Variants in LYPLAL1 observed in about 807,000 individuals in gnomAD.
LYPLAL1 encodes the protein lysophospholipase like 1.
A neutral mutation model predicts 19.7 loss-of-function variants in LYPLAL1; 23 were observed. That is an observed-to-expected ratio of 1.17 (90% CI 0.84 to 1.65). The LOEUF is 1.65. LYPLAL1 is among the 40% of genes most tolerant of loss of function. LYPLAL1 has a pLI of 0.00. For synonymous variants in LYPLAL1, 119 were observed against 96.3 expected, an observed-to-expected ratio of 1.24 and a Z score of -1.38; for missense variants, 355 against 279.4, an observed-to-expected ratio of 1.27 and a Z score of -1.93.
the LYPLAL1 span, among the ~76,000 whole-genome samples, chr1:219,239,254 G>A: frequency 6.6e-6 from 1 of 152,152 alleles, no homozygotes; most frequent in Non-Finnish European, 1.5e-5. Flanking sequence ...TTGAACATAC[G>A]CTATCTGAAC....
At chr1:219,324,881 A>G in the LYPLAL1 span, among the ~76,000 whole-genome samples, 1 of 152,234 alleles carries the variant, frequency 6.6e-6, no homozygotes. Context: ...AATGTATTCC[A>G]GTAAAAGTGC....
At chr1:219,303,263 C>G in the LYPLAL1 span, among the ~76,000 whole-genome samples, 1 of 152,174 alleles carries the variant, frequency 6.6e-6, no homozygotes, top group Non-Finnish European at 1.5e-5. Context: ...TCTAGTTACT[C>G]AAGACATAGC....
the LYPLAL1 span, among the ~76,000 whole-genome samples, chr1:219,381,197 A>G: frequency 0.11 from 16,269 of 151,960 alleles, 911 homozygotes; most frequent in Middle Eastern, 0.12. Flanking sequence ...GTCTCATGAG[A>G]TCCGATGGTT....
chr1:219,215,984 A>G (rs1659277642), downstream of LYPLAL1, among the ~76,000 whole-genome samples: 1 of 151,984 alleles, frequency 6.6e-6, no homozygotes, highest in Non-Finnish European at 1.5e-5. Context: ...TTCCTTTTCT[A>G]TTGCTCTTCA....
chr1:219,293,722 A>G, the LYPLAL1 span, among the ~76,000 whole-genome samples: 1 of 152,208 alleles, frequency 6.6e-6, no homozygotes, highest in African/African-American at 2.4e-5. Context: ...GCCACTAGAC[A>G]TGTGCGTATA....
the LYPLAL1 span, among the ~76,000 whole-genome samples, chr1:219,402,345 G>GCC: frequency 1.3e-5 from 2 of 152,004 alleles, no homozygotes; most frequent in African/African-American, 4.8e-5. Flanking sequence ...AAAGTAAATT[G>GCC]CCCACCATTT....
chr1:219,352,096 G>A, the LYPLAL1 span, among the ~76,000 whole-genome samples: 6 of 152,200 alleles, frequency 3.9e-5, no homozygotes, highest in Admixed American at 2.0e-4. Context: ...GAGGAAGCAT[G>A]ATTAAGGAAA....
At position 219,179,266 on chromosome 1, in the gene LYPLAL1, A is replaced by C; in HGVS notation, c.191+20A>C. 555 of 1,497,426 alleles carry C rather than the reference A, an allele frequency of 3.7e-4. No individual in the cohort carries two copies. The highest frequency in any genetic ancestry group is 4.7e-4 in the Non-Finnish European group (507 of 1,076,156). The allele number at this position is 1,497,426 out of a possible 1,614,324, so 92.8% of individuals were successfully genotyped here. A position where few individuals can be genotyped will look rare whatever the true frequency, so the allele number is the denominator to read the frequency against. On this transcript the variant is annotated intron_variant, in intron 2 of 4. Transcript: ENST00000366928. The stretch of plus-strand genomic sequence containing the variant: ...TCCCAGGTATGCAGTAATTTATCTC[A>C]CTTGTCAATATAACTCTGTGGCATA...
At chr1:219,364,017 A>G in the LYPLAL1 span, among the ~76,000 whole-genome samples, 22 of 152,284 alleles carry the variant, frequency 1.4e-4, no homozygotes, top group African/African-American at 4.8e-4. Flanking sequence ...CCACTTAAAA[A>G]AGAAAGAAAG....
chr1:219,368,021 G>T, the LYPLAL1 span, among the ~76,000 whole-genome samples: 2 of 149,260 alleles, frequency 1.3e-5, no homozygotes, highest in African/African-American at 4.9e-5. Context: ...TAAGAACTAT[G>T]TATTGCTACT....
chr1:219,260,766 A>T, the LYPLAL1 span, among the ~76,000 whole-genome samples: 1 of 151,528 alleles, frequency 6.6e-6, no homozygotes, highest in Non-Finnish European at 1.5e-5. Context: ...TCAAATAGAA[A>T]ATGCCTTTCT....
At chr1:219,289,215 G>A in the LYPLAL1 span, among the ~76,000 whole-genome samples, 3 of 151,776 alleles carry the variant, frequency 2.0e-5, no homozygotes, top group Non-Finnish European at 4.4e-5. Flanking sequence ...AAGTATCAGA[G>A]TACATGCTAT....
At chr1:219,320,616 G>T in the LYPLAL1 span, among the ~76,000 whole-genome samples, 1 of 151,926 alleles carries the variant, frequency 6.6e-6, no homozygotes, top group Non-Finnish European at 1.5e-5. Context: ...ACAGGTCCTG[G>T]TGTGTGATGT....
chr1:219,226,530 T>C, the LYPLAL1 span, among the ~76,000 whole-genome samples: 10 of 152,034 alleles, frequency 6.6e-5, no homozygotes, highest in African/African-American at 2.4e-4. Flanking sequence ...ATCAAATAGA[T>C]AGCTGCTATC....
the LYPLAL1 span, among the ~76,000 whole-genome samples, chr1:219,230,141 C>A: frequency 6.6e-6 from 1 of 152,166 alleles, no homozygotes; most frequent in Non-Finnish European, 1.5e-5. Context: ...GAAACAGAGT[C>A]TCACTCTGTC....
chr1:219,198,169 G>A (rs17049138), intron 3 of LYPLAL1, among the ~76,000 whole-genome samples: 2,408 of 152,154 alleles, frequency 0.016, 69 homozygotes, highest in African/African-American at 0.055. Context: ...CAAGTCTCTT[G>A]TTGAATTTTT....
chr1:219,311,396 A>G, the LYPLAL1 span, among the ~76,000 whole-genome samples: 24 of 152,346 alleles, frequency 1.6e-4, no homozygotes, highest in South Asian at 1.4e-3. Context: ...TGTCAGCAGT[A>G]TGAACATATT....
chr1:219,342,368 C>A, the LYPLAL1 span, among the ~76,000 whole-genome samples: 2 of 152,074 alleles, frequency 1.3e-5, no homozygotes, highest in South Asian at 2.1e-4. Context: ...TGATTTGGGA[C>A]CCCCTTAGCT....
rs1657770213 is a variant in LYPLAL1 at position 219,198,205 on chromosome 1, T to A, written c.361+4954T>A. Among the ~76,000 whole-genome samples the A allele has an allele frequency of 2.0e-5, 3 of 152,136 alleles. No homozygotes were observed. The South Asian group carries it at 6.2e-4, about 31-fold the overall frequency. ...CTAATGCTCCAGGGTAGTTTTCTGA[T>A]TGACAGCATATACAGAAGTATTTCA... On this transcript the variant is annotated intron_variant, in intron 3 of 4. Coordinates refer to ENST00000366928, the MANE Select transcript of LYPLAL1 (RefSeq NM_138794.5).
Sources: allele counts gnomAD v4.1 joint callset (sites outside exome capture counted in the v4.1 genomes callset), GRCh38; gene constraint gnomAD v4.1.1; transcripts MANE v1.5; gene names NCBI Gene and HGNC (gene_info 2026-07-23, HGNC 2026-07-21).